ST6GALNAC3: variants seen among roughly 807,000 people sequenced by gnomAD.
ST6GALNAC3 encodes alpha-N-acetylgalactosaminide alpha-2,6-sialyltransferase 3.
In ST6GALNAC3, 25 loss-of-function variants were observed where a neutral mutation model predicts 32.7. The observed-to-expected ratio is 0.76, with a 90% confidence interval of 0.56 to 1.07. The LOEUF is 1.07. Ranked by LOEUF, ST6GALNAC3 falls within the 50% of genes least tolerant of loss-of-function variation. The pLI, the probability that ST6GALNAC3 is intolerant of heterozygous loss-of-function variation, is 0.00. For synonymous variants in ST6GALNAC3, 129 were observed against 133.1 expected (o/e 0.97, Z 0.21); for missense variants, 355 against 382.4 (o/e 0.93, Z 0.60).
At chr1:76,489,647 T>G (rs530090475) in intron 3 of ST6GALNAC3, among the ~76,000 whole-genome samples, 30 of 152,314 alleles carry the variant, frequency 2.0e-4, no homozygotes, top group African/African-American at 6.3e-4. Context: ...GAGTAAATAT[T>G]AAGCCTTCTC....
intron 3 of ST6GALNAC3, among the ~76,000 whole-genome samples, chr1:76,492,737 A>G (rs1449742338): frequency 6.6e-6 from 1 of 152,290 alleles, no homozygotes; most frequent in South Asian, 2.1e-4. Context: ...GGCTGAAAAT[A>G]AGAGAATGAA....
intron 3 of ST6GALNAC3, among the ~76,000 whole-genome samples, chr1:76,566,207 C>A (rs1397483799): frequency 6.6e-6 from 1 of 152,016 alleles, no homozygotes; most frequent in Non-Finnish European, 1.5e-5. Flanking sequence ...CAGGTGTGGA[C>A]TAATATATGT....
intron 1 of ST6GALNAC3, among the ~76,000 whole-genome samples, chr1:76,191,293 T>C (rs1389451859): frequency 6.6e-6 from 1 of 151,030 alleles, no homozygotes; most frequent in African/African-American, 2.4e-5. Flanking sequence ...CTTACGTGGA[T>C]TCTAAAAAAA....
At chr1:76,576,002 G>A (rs1646799318) in intron 3 of ST6GALNAC3, among the ~76,000 whole-genome samples, 1 of 151,890 alleles carries the variant, frequency 6.6e-6, no homozygotes, top group African/African-American at 2.4e-5. Context: ...ATAATTAGGA[G>A]GAACACGGCA....
At chr1:76,112,762 C>G (rs996851692) in intron 1 of ST6GALNAC3, among the ~76,000 whole-genome samples, 72 of 150,938 alleles carry the variant, frequency 4.8e-4, no homozygotes, top group Admixed American at 3.3e-4. Context: ...AGAGGCGCTC[C>G]CCACATCTCA....
intron 3 of ST6GALNAC3, among the ~76,000 whole-genome samples, chr1:76,426,482 C>T (rs1655395001): frequency 1.3e-5 from 2 of 151,516 alleles, no homozygotes; most frequent in Admixed American, 1.3e-4. Context: ...CTGTCATCTC[C>T]TATGATAGCA....
intron 3 of ST6GALNAC3, among the ~76,000 whole-genome samples, chr1:76,462,526 AT>A (rs55967462): frequency 2.1e-4 from 31 of 149,944 alleles, no homozygotes; most frequent in South Asian, 1.3e-3. Flanking sequence ...GGCAGCCAGC[AT>A]TTTTTTTTTA....
intron 1 of ST6GALNAC3, chr1:76,309,984 G>C (rs776195327): frequency 4.0e-6 from 2 of 499,902 alleles, no homozygotes; most frequent in South Asian, 1.5e-5. Context: ...GTATGCATAC[G>C]TATGTGTTGC....
At chr1:76,563,608 A>C (rs1665375808) in intron 3 of ST6GALNAC3, among the ~76,000 whole-genome samples, 1 of 152,190 alleles carries the variant, frequency 6.6e-6, no homozygotes, top group African/African-American at 2.4e-5. Flanking sequence ...AATAACAATA[A>C]TAAAGTTATT....
intron 3 of ST6GALNAC3, among the ~76,000 whole-genome samples, chr1:76,535,973 A>G (rs1326661056): frequency 6.6e-6 from 1 of 152,200 alleles, no homozygotes; most frequent in Non-Finnish European, 1.5e-5. Flanking sequence ...TTCTTGGGCA[A>G]AAGAAATCTT....
intron 3 of ST6GALNAC3, among the ~76,000 whole-genome samples, chr1:76,537,140 C>G (rs1373095891): frequency 6.6e-6 from 1 of 152,164 alleles, no homozygotes; most frequent in East Asian, 1.9e-4. Context: ...CAAACAGTCT[C>G]TCAGACCACA....
At chr1:76,545,559 T>C (rs960180396) in intron 3 of ST6GALNAC3, among the ~76,000 whole-genome samples, 3 of 152,176 alleles carry the variant, frequency 2.0e-5, no homozygotes, top group Non-Finnish European at 4.4e-5. Flanking sequence ...TAATAACATT[T>C]TTTGTACTTT....
intron 1 of ST6GALNAC3, among the ~76,000 whole-genome samples, chr1:76,149,137 C>A (rs564906399): frequency 2.6e-5 from 4 of 152,348 alleles, no homozygotes; most frequent in African/African-American, 9.6e-5. Flanking sequence ...GCTGATGCTG[C>A]TGCTTACTTT....
intron 1 of ST6GALNAC3, among the ~76,000 whole-genome samples, chr1:76,283,949 G>A (rs1659637163): frequency 6.6e-6 from 1 of 152,106 alleles, no homozygotes; most frequent in Non-Finnish European, 1.5e-5. Flanking sequence ...ATGTATAAGG[G>A]AACCTTTATC....
intron 1 of ST6GALNAC3, among the ~76,000 whole-genome samples, chr1:76,204,079 C>A (rs1041254910): frequency 5.3e-5 from 8 of 152,180 alleles, no homozygotes; most frequent in African/African-American, 1.9e-4. Context: ...CTGCTAACCA[C>A]CAATCTGCTC....
At chr1:76,479,422 G>A (rs1659579969) in intron 3 of ST6GALNAC3, among the ~76,000 whole-genome samples, 1 of 152,160 alleles carries the variant, frequency 6.6e-6, no homozygotes, top group Non-Finnish European at 1.5e-5. Flanking sequence ...AATTTATAAT[G>A]ATCAGGCTGC....
intron 3 of ST6GALNAC3, among the ~76,000 whole-genome samples, chr1:76,584,098 T>C (rs1471159781): frequency 6.6e-6 from 1 of 152,166 alleles, no homozygotes; most frequent in African/African-American, 2.4e-5. Context: ...CACAAACCTA[T>C]GAGGTAGTTG....
intron 3 of ST6GALNAC3, among the ~76,000 whole-genome samples, chr1:76,590,775 A>G (rs1433329389): frequency 6.6e-6 from 1 of 152,194 alleles, no homozygotes; most frequent in African/African-American, 2.4e-5. Context: ...TTTCATCCCT[A>G]ACTGTGGGAT....
At chr1:76,305,143 G>A (rs146558202) in intron 1 of ST6GALNAC3, among the ~76,000 whole-genome samples, 1 of 152,108 alleles carries the variant, frequency 6.6e-6, no homozygotes, top group East Asian at 1.9e-4. Context: ...GGAAAAACAA[G>A]TAACTTCAGG....
Sources: gnomAD v4.1 joint callset for allele counts (sites outside exome capture counted in the v4.1 genomes callset) on GRCh38, gnomAD v4.1.1 for gene constraint, MANE v1.5 for transcripts, NCBI Gene and HGNC (gene_info 2026-07-23, HGNC 2026-07-21) for gene names.